The following OR5D3 variants were observed in gnomAD, a reference collection of about 807,000 sequenced individuals.
OR5D3 encodes olfactory receptor family 5 subfamily D member 3.
the OR5D3 span, chr11:55,729,459 C>A: frequency 6.6e-6 from 1 of 151,864 alleles, no homozygotes; most frequent in Non-Finnish European, 1.5e-5. Flanking sequence ...ATGCTCACTT[C>A]TTAGTGGATT....
chr11:55,729,146 T>C, the OR5D3 span: 1 of 152,010 alleles, frequency 6.6e-6, no homozygotes, highest in African/African-American at 2.4e-5. Context: ...TAAATGTTCA[T>C]AAATGGGCAG....
chr11:55,724,327 C>A, the OR5D3 span, among the ~76,000 whole-genome samples: 29 of 152,092 alleles, frequency 1.9e-4, no homozygotes, highest in Non-Finnish European at 3.7e-4. Flanking sequence ...TTGGCCTTAT[C>A]TTTAAACTTT....
the OR5D3 span, chr11:55,729,209 G>A: frequency 6.6e-6 from 1 of 151,940 alleles, no homozygotes; most frequent in African/African-American, 2.4e-5. Context: ...TATACTTTCA[G>A]TGTGAAAGCA....
the OR5D3 span, chr11:55,727,734 A>G: frequency 6.6e-6 from 1 of 152,018 alleles, no homozygotes; most frequent in African/African-American, 2.4e-5. Flanking sequence ...ATATTTTTGC[A>G]AATAAATGCC....
the OR5D3 span, chr11:55,726,216 G>T: frequency 1.0e-5 from 4 of 399,032 alleles, no homozygotes; most frequent in Admixed American, 1.8e-4. Flanking sequence ...TTTCTCACAG[G>T]ATTCAAAAAA....
chr11:55,726,578 G>C, the OR5D3 span: 11 of 405,402 alleles, frequency 2.7e-5, 1 homozygote, highest in African/African-American at 2.3e-4. Flanking sequence ...GCTTATGACA[G>C]ATTTGTGGCA....
chr11:55,726,599 C>T, the OR5D3 span: 1 of 403,226 alleles, frequency 2.5e-6, no homozygotes, highest in East Asian at 3.6e-5. Context: ...GTGTGTAACC[C>T]TCTGCTTTAC....
chr11:55,727,494 A>G, the OR5D3 span: 1 of 158,844 alleles, frequency 6.3e-6, no homozygotes, highest in African/African-American at 2.4e-5. Flanking sequence ...GAGGAAGTTT[A>G]CCTGATAACA....
At chr11:55,725,375 C>T in the OR5D3 span, among the ~76,000 whole-genome samples, 1 of 151,978 alleles carries the variant, frequency 6.6e-6, no homozygotes, top group Non-Finnish European at 1.5e-5. Flanking sequence ...AAGCTTTAAA[C>T]TTAAATCAAA....
At chr11:55,726,191 C>A in the OR5D3 span, 2 of 398,476 alleles carry the variant, frequency 5.0e-6, no homozygotes, top group South Asian at 1.3e-4. Context: ...TTCTCTGGAT[C>A]AACTTTCTTA....
the OR5D3 span, among the ~76,000 whole-genome samples, chr11:55,725,288 T>C: frequency 0.075 from 11,408 of 152,132 alleles, 524 homozygotes; most frequent in Middle Eastern, 0.11. Flanking sequence ...AGGAAATGCC[T>C]TGTGGCATCA....
chr11:55,725,432 T>G, the OR5D3 span, among the ~76,000 whole-genome samples: 2 of 152,074 alleles, frequency 1.3e-5, no homozygotes, highest in African/African-American at 4.8e-5. Flanking sequence ...TTTGCAGTAC[T>G]CAGTACTTTC....
At chr11:55,726,013 A>T in the OR5D3 span, among the ~76,000 whole-genome samples, 1 of 151,934 alleles carries the variant, frequency 6.6e-6, no homozygotes, top group South Asian at 2.1e-4. Flanking sequence ...TTATTATTCC[A>T]TTCACAAAAT....
At chr11:55,728,854 T>C in the OR5D3 span, 3 of 152,030 alleles carry the variant, frequency 2.0e-5, no homozygotes, top group African/African-American at 7.3e-5. Flanking sequence ...TTAAATGCTC[T>C]AGTCGAGTAT....
the OR5D3 span, chr11:55,729,586 G>A: frequency 4.6e-5 from 7 of 151,960 alleles, no homozygotes; most frequent in Middle Eastern, 3.2e-3. Context: ...ATATCATTAC[G>A]TGATTATATT....
the OR5D3 span, chr11:55,727,265 T>C: frequency 5.0e-6 from 2 of 396,122 alleles, no homozygotes; most frequent in African/African-American, 4.1e-5. Context: ...ACAATATCTA[T>C]TCACACTGAT....
the OR5D3 span, chr11:55,723,861 C>G: frequency 8.0e-6 from 3 of 373,630 alleles, no homozygotes; most frequent in Non-Finnish European, 9.5e-6. Flanking sequence ...TCTCTGCTAT[C>G]TATGAGTTTT....
the OR5D3 span, chr11:55,726,103 C>T: frequency 5.0e-6 from 2 of 396,818 alleles, no homozygotes; most frequent in Non-Finnish European, 4.4e-6. Flanking sequence ...GAATTTTCAG[C>T]AACACTCTTA....
chr11:55,725,678 T>A, the OR5D3 span, among the ~76,000 whole-genome samples: 2 of 151,954 alleles, frequency 1.3e-5, no homozygotes, highest in Non-Finnish European at 2.9e-5. Context: ...GTAACACAGC[T>A]CCAGAATGTG....
Sources: gnomAD v4.1 joint callset for allele counts (sites outside exome capture counted in the v4.1 genomes callset) on GRCh38, gnomAD v4.1.1 for gene constraint, MANE v1.5 for transcripts, NCBI Gene and HGNC (gene_info 2026-07-23, HGNC 2026-07-21) for gene names.